MECOM: variants seen among roughly 807,000 people sequenced by gnomAD.
The protein encoded by MECOM is histone-lysine N-methyltransferase MECOM.
In MECOM, 13 loss-of-function variants were observed where a neutral mutation model predicts 116.3. The ratio of observed to expected loss-of-function variants is 0.11; its 90% CI spans 0.07 to 0.18. The LOEUF (loss-of-function observed/expected upper bound fraction) is 0.18. MECOM is among the 10% of genes least tolerant of loss of function. The pLI is 1.00. For synonymous variants in MECOM, 528 were observed against 535.2 expected (o/e 0.99, Z 0.19); for missense variants, 1,299 against 1,509.0 (o/e 0.86, Z 2.31).
intron 2 of MECOM, among the ~76,000 whole-genome samples, chr3:169,380,398 T>TAC (rs1459898300): frequency 6.6e-6 from 1 of 152,036 alleles, no homozygotes; most frequent in African/African-American, 2.4e-5. Flanking sequence ...GGAAAGTATA[T>TAC]ATATCTACTG....
At chr3:169,343,884 A>G (rs1438410078) in intron 2 of MECOM, among the ~76,000 whole-genome samples, 2 of 152,178 alleles carry the variant, frequency 1.3e-5, no homozygotes, top group East Asian at 1.9e-4. Context: ...ATTATTAAAC[A>G]TTGTTGACAT....
chr3:169,135,339 A>T (rs909786775), intron 3 of MECOM, among the ~76,000 whole-genome samples: 1 of 152,046 alleles, frequency 6.6e-6, no homozygotes, highest in African/African-American at 2.4e-5. Flanking sequence ...CCCAATAAAT[A>T]AAGAGAGGTT....
At chr3:169,106,166 T>C (rs1302272992) in intron 10 of MECOM, among the ~76,000 whole-genome samples, 5 of 152,200 alleles carry the variant, frequency 3.3e-5, no homozygotes, top group Admixed American at 3.3e-4. Context: ...TGATTTTCTA[T>C]ATTTATTCAC....
chr3:169,146,284 G>C, intron 2 of MECOM: 1 of 1,258,942 alleles, frequency 7.9e-7, no homozygotes. Flanking sequence ...ATGTTGGACA[G>C]CAAAGCTGTT....
chr3:169,562,018 T>A (rs988697998), intron 1 of MECOM, among the ~76,000 whole-genome samples: 1 of 150,768 alleles, frequency 6.6e-6, no homozygotes, highest in Admixed American at 6.6e-5. Flanking sequence ...TGGTGGTGTG[T>A]GCCTATAGTC....
intron 1 of MECOM, among the ~76,000 whole-genome samples, chr3:169,422,537 CA>C (rs1207263197): frequency 8.6e-5 from 13 of 151,952 alleles, no homozygotes; most frequent in African/African-American, 3.1e-4. Flanking sequence ...ACCTAGAACC[CA>C]AAAGCTTTTG....
chr3:169,529,380 T>G (rs1461913910), intron 1 of MECOM, among the ~76,000 whole-genome samples: 1 of 152,254 alleles, frequency 6.6e-6, no homozygotes, highest in Non-Finnish European at 1.5e-5. Flanking sequence ...CCTTCCCCTA[T>G]TCTTCCAGAG....
At chr3:169,329,939 C>T (rs1293404967) in intron 2 of MECOM, among the ~76,000 whole-genome samples, 1 of 152,182 alleles carries the variant, frequency 6.6e-6, no homozygotes, top group East Asian at 1.9e-4. Context: ...ATAGAAGTAT[C>T]CACAAAGTGT....
chr3:169,311,381 A>G (rs766336243), intron 2 of MECOM, among the ~76,000 whole-genome samples: 3 of 152,210 alleles, frequency 2.0e-5, no homozygotes, highest in Non-Finnish European at 2.9e-5. Flanking sequence ...CTCAAAATAA[A>G]CAAATAGCTG....
In MECOM at chr3:169,208,569, T is replaced by G. The variant is rs559237160; in HGVS notation, c.376-64737A>C. On this transcript the variant is annotated intron_variant, in intron 2 of 16. Transcript: ENST00000651503. ...AGTAATGGCAGCACTTAGGACATAT[T>G]TAGGCATATTTTATTTAAATTACCT... Among the ~76,000 whole-genome samples the G allele has an allele frequency of 7.9e-5, 12 of 151,982 alleles. 1 individual carries two copies. Among genetic ancestry groups the G allele is most frequent in the African/African-American group, 2.9e-4 (12 of 41,496 alleles).
chr3:169,123,731 A>T (rs540783805), intron 5 of MECOM, among the ~76,000 whole-genome samples: 1 of 152,106 alleles, frequency 6.6e-6, no homozygotes, highest in African/African-American at 2.4e-5. Flanking sequence ...ACATCTTGTT[A>T]TGACAAAAGG....
chr3:169,528,597 G>A (rs1347286795), intron 1 of MECOM, among the ~76,000 whole-genome samples: 1 of 152,216 alleles, frequency 6.6e-6, no homozygotes, highest in Non-Finnish European at 1.5e-5. Context: ...GAAATCTGAT[G>A]ATGTGAATGA....
At chr3:169,577,040 G>T (rs1576962180) in intron 1 of MECOM, among the ~76,000 whole-genome samples, 1 of 152,214 alleles carries the variant, frequency 6.6e-6, no homozygotes, top group Middle Eastern at 3.4e-3. Context: ...AAAGAGCATG[G>T]AACCAAGTTT....
intron 1 of MECOM, among the ~76,000 whole-genome samples, chr3:169,542,161 G>A (rs1309969985): frequency 6.6e-6 from 1 of 152,122 alleles, no homozygotes; most frequent in East Asian, 1.9e-4. Flanking sequence ...CGCATTGAAA[G>A]TTTTCCAAGT....
intron 1 of MECOM, among the ~76,000 whole-genome samples, chr3:169,618,102 A>G (rs1770245530): frequency 6.6e-6 from 1 of 152,196 alleles, no homozygotes; most frequent in Non-Finnish European, 1.5e-5. Flanking sequence ...TGAGATCACA[A>G]CTTCAGATCT....
chr3:169,139,754 T>C (rs1737529005), intron 3 of MECOM, among the ~76,000 whole-genome samples: 1 of 152,006 alleles, frequency 6.6e-6, no homozygotes, highest in Admixed American at 6.6e-5. Flanking sequence ...GATGGGGGTC[T>C]ATGGGTAGGT....
At position 169,116,180 on chromosome 3, in the gene MECOM, G is replaced by T; in HGVS notation, c.1692C>A (p.Ser564=). The change falls in exon 8 of 17, where the codon TCC becomes TCA. Residue 564 remains serine, a synonymous_variant. Transcript: ENST00000651503. Reference sequence around the variant, plus strand: ...TTTTCTCAAAGGGCCTCTCTTCAGAGGACCTCTCGGGCTGGAGCTCCACTG... The same window carrying T: ...TTTTCTCAAAGGGCCTCTCTTCAGATGACCTCTCGGGCTGGAGCTCCACTG... ...NKPVELQPER[S]SEERPFEKIS... The T allele has an allele frequency of 6.2e-7, 1 of 1,614,162 alleles. No homozygotes were observed.
intron 1 of MECOM, among the ~76,000 whole-genome samples, chr3:169,551,751 T>A (rs1761428990): frequency 6.6e-6 from 1 of 152,202 alleles, no homozygotes; most frequent in Admixed American, 6.5e-5. Context: ...TAAAACTTGT[T>A]CACAAATATT....
chr3:169,627,518 A>G (rs978931478), intron 1 of MECOM, among the ~76,000 whole-genome samples: 6 of 152,278 alleles, frequency 3.9e-5, no homozygotes, highest in African/African-American at 1.2e-4. Context: ...TACTTTAATC[A>G]GAGATGAACA....
Sources: gnomAD v4.1 joint callset for allele counts (sites outside exome capture counted in the v4.1 genomes callset) on GRCh38, gnomAD v4.1.1 for gene constraint, MANE v1.5 for transcripts, NCBI Gene and HGNC (gene_info 2026-07-23, HGNC 2026-07-21) for gene names.